Variants in TBX5 observed in about 807,000 individuals in gnomAD.
TBX5 encodes the protein T-box transcription factor TBX5.
TBX5 carries 8 observed loss-of-function variants against 51.1 expected under a neutral mutation model. The observed-to-expected ratio is 0.16, with a 90% CI of 0.09 to 0.28. The LOEUF is 0.28. Among genes scored for constraint, TBX5 ranks in the 10% least tolerant of loss-of-function variants. The pLI, the probability that TBX5 is intolerant of heterozygous loss-of-function variation, is 1.00. For missense variants in TBX5, 589 were observed against 671.7 expected (o/e 0.88, Z 1.36); for synonymous variants, 302 against 266.4 (o/e 1.13, Z -1.30).
chr12:114,379,132 C>A (rs113341020), intron 7 of TBX5, among the ~76,000 whole-genome samples: 6 of 152,236 alleles, frequency 3.9e-5, no homozygotes, highest in Non-Finnish European at 7.4e-5. Flanking sequence ...CTTCCGTTAC[C>A]GGTAGCCCAG....
intron 7 of TBX5, among the ~76,000 whole-genome samples, chr12:114,367,855 A>G (rs777232821): frequency 6.6e-6 from 1 of 152,178 alleles, no homozygotes; most frequent in Non-Finnish European, 1.5e-5. Flanking sequence ...TGGTAACTAT[A>G]TTTCAAATAT....
intron 7 of TBX5, among the ~76,000 whole-genome samples, chr12:114,378,374 A>C (rs1319393645): frequency 6.6e-6 from 1 of 152,184 alleles, no homozygotes; most frequent in Non-Finnish European, 1.5e-5. Flanking sequence ...GAAGAAAGCA[A>C]GCTTGCAGCC....
rs1341266724 is a variant in TBX5, at chr12:114,390,835, C to T, written c.663+3906G>A. ...GGATTGCACTGGGAGCTGCTGACAA[C>T]TGCAGTGAAAACTTTACAAAAACGT... On this transcript the variant is annotated intron_variant, in intron 6 of 8. Transcript: ENST00000405440. Among the ~76,000 whole-genome samples the T allele has an allele frequency of 2.0e-5, 3 of 152,318 alleles. No homozygotes were observed. In the South Asian group the frequency reaches 6.2e-4, roughly 32 times the overall value.
intron 5 of TBX5, among the ~76,000 whole-genome samples, chr12:114,395,527 G>C (rs539694750): frequency 6.6e-6 from 1 of 152,120 alleles, no homozygotes; most frequent in Non-Finnish European, 1.5e-5. Context: ...TGGGGGTCAC[G>C]GGTGATCTGC....
Position 114,366,210 on chromosome 12 carries a change from G to C in TBX5, c.937C>G (p.Leu313Val), listed in dbSNP as rs973631007. The change falls in exon 8 of 9, where the codon CTG becomes GTG. Residue 313 changes from leucine (L) to valine (V), a missense_variant. This residue lies in a region of TBX5 where 348 missense variants were observed against 360.4 expected (regional missense o/e 0.97). Transcript: ENST00000405440. Reference sequence around the variant, plus strand: ...TAAATTTGGCTATGCTCCTGGGGCAGTGGGTATGGGTTGGGTGGAGGCAGG... The same window carrying C: ...TAAATTTGGCTATGCTCCTGGGGCACTGGGTATGGGTTGGGTGGAGGCAGG... ...DLLPPPNPYPLPQEHSQIYHC... is the reference protein window; with the variant it reads ...DLLPPPNPYPVPQEHSQIYHC... The C allele has an allele frequency of 6.2e-7, 1 of 1,614,118 alleles. No homozygotes were observed. The highest frequency in any genetic ancestry group is 1.7e-5 in the Admixed American group (1 of 60,012).
intron 5 of TBX5, among the ~76,000 whole-genome samples, chr12:114,396,584 G>A (rs1300300272): frequency 1.3e-5 from 2 of 152,240 alleles, no homozygotes; most frequent in South Asian, 2.1e-4. Flanking sequence ...CCTTCCGCAG[G>A]CATCCGCCCT....
chr12:114,401,684 C>G, intron 3 of TBX5, 142 bp downstream of exon 3: 10 of 725,028 alleles, frequency 1.4e-5, no homozygotes, highest in Non-Finnish European at 1.7e-5. Context: ...TCTCTCTCTC[C>G]TCTCCTCTCC....
intron 6 of TBX5, among the ~76,000 whole-genome samples, chr12:114,394,343 G>A (rs1871306226): frequency 1.3e-5 from 2 of 152,076 alleles, no homozygotes; most frequent in Non-Finnish European, 2.9e-5. Flanking sequence ...TAAAAAGGCA[G>A]AGAGGAGAAA....
chr12:114,370,678 C>T (rs1869851295), intron 7 of TBX5, among the ~76,000 whole-genome samples: 1 of 149,966 alleles, frequency 6.7e-6, no homozygotes, highest in South Asian at 2.1e-4. Context: ...TATCTATCTT[C>T]CTCTTTTTTA....
At chr12:114,370,641 CTCT>C (rs1869846083) in intron 7 of TBX5, among the ~76,000 whole-genome samples, 10 of 76,762 alleles carry the variant, frequency 1.3e-4, no homozygotes, top group African/African-American at 3.7e-4. Flanking sequence ...ATCTCTCCCT[CTCT>C]CTCTCTCTCT....
At chr12:114,377,063 C>A (rs573827094) in intron 7 of TBX5, among the ~76,000 whole-genome samples, 2 of 152,264 alleles carry the variant, frequency 1.3e-5, no homozygotes, top group African/African-American at 2.4e-5. Context: ...CCAGACACAA[C>A]CCCGCTCTTG....
At chr12:114,401,274 T>C (rs1871795905) in intron 3 of TBX5, among the ~76,000 whole-genome samples, 1 of 152,230 alleles carries the variant, frequency 6.6e-6, no homozygotes. Context: ...GGTTCAGTTT[T>C]AAAGGCTTCG....
At chr12:114,402,514 G>A (rs868009366) in intron 2 of TBX5, among the ~76,000 whole-genome samples, 3 of 152,146 alleles carry the variant, frequency 2.0e-5, no homozygotes, top group African/African-American at 4.8e-5. Context: ...ACCTAAAAAT[G>A]TTTGTATTAT....
chr12:114,355,503 G>T lies in TBX5; in HGVS notation c.*29C>A. 6.2e-7 allele frequency: 1 copy of T among 1,611,612 alleles called. No individual in the cohort carries two copies. The highest frequency in any genetic ancestry group is 8.5e-7 in the Non-Finnish European group (1 of 1,178,260). On this transcript the variant is annotated 3_prime_UTR_variant, in exon 9 of 9. Transcript: ENST00000405440. ...CTCCTCTCTCTCTCTCTTTCTCTAGGAAATGTCTGTTGTGAAGCAGGCCTC... is the reference window on the plus strand; with the variant it reads ...CTCCTCTCTCTCTCTCTTTCTCTAGTAAATGTCTGTTGTGAAGCAGGCCTC...
At chr12:114,401,071 C>T (rs1396485800) in intron 3 of TBX5, among the ~76,000 whole-genome samples, 4 of 152,096 alleles carry the variant, frequency 2.6e-5, no homozygotes, top group Non-Finnish European at 5.9e-5. Flanking sequence ...CGTCCCCAGG[C>T]CTGGGCGCGC....
At chr12:114,384,777 G>T (rs1055569542) in intron 7 of TBX5, among the ~76,000 whole-genome samples, 3 of 149,682 alleles carry the variant, frequency 2.0e-5, no homozygotes, top group African/African-American at 7.4e-5. Context: ...TGGTCAGAGG[G>T]ATCAAGATGT....
chr12:114,394,603 C>T, intron 6 of TBX5, 138 bp downstream of exon 6: 1 of 1,171,448 alleles, frequency 8.5e-7, no homozygotes, highest in Non-Finnish European at 1.3e-6. Flanking sequence ...CAGCTTTGTC[C>T]CCACCCCAGC....
chr12:114,402,280 CA>C (rs113276288), intron 2 of TBX5, among the ~76,000 whole-genome samples: 24 of 147,830 alleles, frequency 1.6e-4, no homozygotes, highest in African/African-American at 2.2e-4. Flanking sequence ...ACAAACAAAC[CA>C]AAAAAAAAAA....
intron 8 of TBX5, among the ~76,000 whole-genome samples, chr12:114,363,695 G>T (rs1869362767): frequency 6.6e-6 from 1 of 152,176 alleles, no homozygotes; most frequent in African/African-American, 2.4e-5. Flanking sequence ...ACCAGGCTGG[G>T]GTTCAAGAAC....
Sources: allele counts gnomAD v4.1 joint callset (sites outside exome capture counted in the v4.1 genomes callset), GRCh38; gene constraint gnomAD v4.1.1; regional missense constraint gnomAD v4.1.1; transcripts MANE v1.5; gene names NCBI Gene and HGNC (gene_info 2026-07-23, HGNC 2026-07-21).